The following HPS3 variants were observed in gnomAD, a reference collection of about 807,000 sequenced individuals.
The protein encoded by HPS3 is BLOC-2 complex member HPS3.
HPS3 carries 79 observed loss-of-function variants against 110.9 expected under a neutral mutation model. That is an observed-to-expected ratio of 0.71 (90% CI 0.59 to 0.86). HPS3 has a LOEUF of 0.86. Among genes scored for constraint, HPS3 ranks in the 40% least tolerant of loss-of-function variants. The pLI, the probability that HPS3 is intolerant of heterozygous loss-of-function variation, is 0.00. For missense variants in HPS3, 1,197 were observed against 1,206.2 expected (o/e 0.99, Z 0.11); for synonymous variants, 428 against 451.0 (o/e 0.95, Z 0.65).
chr3:149,140,626 C>T, intron 2 of HPS3, 128 bp downstream of exon 2: 1 of 1,035,326 alleles, frequency 9.7e-7, no homozygotes, highest in Non-Finnish European at 1.4e-6. Flanking sequence ...ATTCCTATTT[C>T]ATGGGATTTG....
intron 4 of HPS3, 26 bp downstream of exon 4, chr3:149,141,406 A>C (rs200702850): frequency 1.3e-6 from 2 of 1,563,304 alleles, no homozygotes; most frequent in Non-Finnish European, 1.8e-6. Flanking sequence ...CAGGAGTGCG[A>C]CAGTGCAGCA....
At chr3:149,146,435 A>G (rs17787212) in intron 5 of HPS3, among the ~76,000 whole-genome samples, 3,323 of 152,374 alleles carry the variant, frequency 0.022, 52 homozygotes, top group Middle Eastern at 0.034. Flanking sequence ...GAAGTGAAGC[A>G]TGAAAGCTAG....
chr3:149,173,587 G>A lies in HPS3; in HGVS notation c.*1365G>A. On this transcript the variant is annotated 3_prime_UTR_variant, in exon 17 of 17. Coordinates refer to ENST00000296051, the MANE Select transcript of HPS3 (RefSeq NM_032383.5). ...TTTTCCCCCACAAATGTACAAAGTTGTATGCTTCCAGTCTTCTTTTAATGT... is the reference window on the plus strand; with the variant it reads ...TTTTCCCCCACAAATGTACAAAGTTATATGCTTCCAGTCTTCTTTTAATGT... 3.0e-6 allele frequency: 2 copies of A among 663,380 alleles called. No homozygotes were observed. The highest frequency in any genetic ancestry group is 2.6e-6 in the Non-Finnish European group (1 of 384,282). 41.1% of individuals were successfully genotyped at this position (663,380 alleles called of 1,614,324 possible).
Position 149,140,378 on chromosome 3 carries a change from G to A in HPS3, c.592G>A (p.Val198Ile), listed in dbSNP as rs144990171. 613 of 1,610,312 alleles carry A rather than the reference G, an allele frequency of 3.8e-4. No homozygotes were observed. Among genetic ancestry groups the A allele is most frequent in the Non-Finnish European group, 4.9e-4 (574 of 1,177,848 alleles). The part of the protein sequence containing the change: ...PVEVSFCVGY[V>I]AVMSDLEVLI... ...TGAGGTTTCTTTTTGTGTTGGATATGTTGCTGTCATGTCAGACTTAGAAGT... is the reference window on the plus strand; with the variant it reads ...TGAGGTTTCTTTTTGTGTTGGATATATTGCTGTCATGTCAGACTTAGAAGT... The change falls in exon 2 of 17, where the codon GTT becomes ATT. Residue 198 changes from valine to isoleucine, a missense_variant. Transcript: ENST00000296051.
In HPS3 at chr3:149,140,196, T is replaced by C. The variant is rs369293593; in HGVS notation, c.410T>C (p.Leu137Ser). Residue 137 changes from leucine (L) to serine (S), a missense_variant, in exon 2 of 17, where the codon TTG (leucine) becomes TCG (serine). By Grantham distance (145) the Leu-to-Ser change is moderately radical. Coordinates refer to ENST00000296051, the MANE Select transcript of HPS3 (RefSeq NM_032383.5). ...IIEMPLSEAP[L>S]CISCCPVKGD... The stretch of plus-strand genomic sequence containing the variant: ...GAAATGCCGCTTTCGGAGGCCCCCT[T>C]GTGCATTTCCTGTTGCCCTGTGAAA... 2 of 1,614,114 alleles carry C rather than the reference T, an allele frequency of 1.2e-6. No homozygotes were observed. The highest frequency in any genetic ancestry group is 1.7e-6 in the Non-Finnish European group (2 of 1,180,044).
chr3:149,136,274 TG>T (rs1722088976), intron 1 of HPS3, among the ~76,000 whole-genome samples: 1 of 151,912 alleles, frequency 6.6e-6, no homozygotes, highest in Admixed American at 6.6e-5. Context: ...TCCACCTACT[TG>T]AGAGGCTGAG....
chr3:149,140,629 G>A, intron 2 of HPS3, 131 bp downstream of exon 2: 2 of 1,019,534 alleles, frequency 2.0e-6, no homozygotes, highest in Non-Finnish European at 1.5e-6. Flanking sequence ...CCTATTTCAT[G>A]GGATTTGGTT....
At chr3:149,159,196 C>T (rs1211985285) in intron 10 of HPS3, among the ~76,000 whole-genome samples, 1 of 152,136 alleles carries the variant, frequency 6.6e-6, no homozygotes, top group African/African-American at 2.4e-5. Context: ...CCTAATTGTC[C>T]CTTACTCCTT....
chr3:149,171,603 A>G (rs1469150671), intron 16 of HPS3, among the ~76,000 whole-genome samples: 3 of 152,178 alleles, frequency 2.0e-5, no homozygotes, highest in Non-Finnish European at 4.4e-5. Context: ...GGATTCTAGT[A>G]AGGAAAAATA....
At chr3:149,143,994 C>T (rs1021973438) in intron 4 of HPS3, among the ~76,000 whole-genome samples, 6 of 152,130 alleles carry the variant, frequency 3.9e-5, no homozygotes, top group South Asian at 2.1e-4. Flanking sequence ...ATGCACATCC[C>T]GGAGTTCATA....
intron 6 of HPS3, among the ~76,000 whole-genome samples, chr3:149,152,391 G>A (rs2689235): frequency 0.26 from 38,965 of 151,976 alleles, 5,178 homozygotes; most frequent in South Asian, 0.34. Context: ...CTTATAAAAG[G>A]CAGAATGAAG....
At chr3:149,167,812 C>G in intron 15 of HPS3, 81 bp from the exon 16 acceptor site, 1 of 880,708 alleles carries the variant, frequency 1.1e-6, no homozygotes, top group Non-Finnish European at 1.9e-6. Flanking sequence ...CTGTGCTTTC[C>G]TGCACAATCT....
intron 6 of HPS3, among the ~76,000 whole-genome samples, chr3:149,151,587 TAAAAAAAAAAAAAA>T (rs1167453087): frequency 2.7e-4 from 11 of 40,300 alleles, no homozygotes; most frequent in Non-Finnish European, 5.1e-4. Flanking sequence ...GCTTGGTTTC[TAAAAAAAAAAAAAA>T]AAAAAAAAAA....
chr3:149,163,679 TC>T (rs1441485370), intron 13 of HPS3, among the ~76,000 whole-genome samples, 162 bp from the exon 14 acceptor site: 1 of 152,212 alleles, frequency 6.6e-6, no homozygotes, highest in African/African-American at 2.4e-5. Flanking sequence ...TGAAATATTT[TC>T]CAGGGGAAAA....
chr3:149,137,637 T>G (rs2108124520), intron 1 of HPS3, among the ~76,000 whole-genome samples: 1 of 152,310 alleles, frequency 6.6e-6, no homozygotes, highest in South Asian at 2.1e-4. Context: ...TAGAGTATTA[T>G]TTGGCCTTAA....
intron 1 of HPS3, among the ~76,000 whole-genome samples, chr3:149,133,948 C>G (rs1461003041): frequency 6.6e-6 from 1 of 151,498 alleles, no homozygotes; most frequent in Non-Finnish European, 1.5e-5. Flanking sequence ...GGTCTGGAAG[C>G]AATCCTCCAA....
rs531842317 is a variant in HPS3, at chr3:149,151,722, G to T, written c.1245+1042G>T. 8.0e-5 allele frequency among the ~76,000 whole-genome samples: 12 copies of T among 149,216 alleles called. No individual in the cohort carries two copies. The South Asian group carries it at 2.4e-3, about 30-fold the overall frequency. ...ATACACTGATCATTTACATTATATT[G>T]ATCTATGTTATTTTACTTCTGAAGT... On this transcript the variant is annotated intron_variant, in intron 6 of 16. Transcript: ENST00000296051.
chr3:149,161,342 G>T (rs573923720), intron 11 of HPS3, among the ~76,000 whole-genome samples: 1 of 152,152 alleles, frequency 6.6e-6, no homozygotes, highest in Non-Finnish European at 1.5e-5. Context: ...CATAGTATTT[G>T]CATATAACGT....
At chr3:149,162,979 C>T (rs1218500885) in intron 13 of HPS3, 101 bp downstream of exon 13, 1 of 1,003,394 alleles carries the variant, frequency 1.0e-6, no homozygotes, top group East Asian at 2.6e-5. Context: ...ACCTAGTTTT[C>T]TATTACCAGG....
Sources: allele counts gnomAD v4.1 joint callset (sites outside exome capture counted in the v4.1 genomes callset), GRCh38; gene constraint gnomAD v4.1.1; transcripts MANE v1.5; gene names NCBI Gene and HGNC (gene_info 2026-07-23, HGNC 2026-07-21).